Variants in OLFM3 observed in about 807,000 individuals in gnomAD.
OLFM3 encodes the protein noelin-3.
Under a neutral mutation model 48.6 loss-of-function variants are expected in OLFM3, and 20 were observed. The ratio of observed to expected loss-of-function variants is 0.41; its 90% confidence interval spans 0.29 to 0.60. The LOEUF is 0.60. OLFM3 is among the 20% of genes least tolerant of loss of function. The pLI is 0.28. For synonymous variants in OLFM3, 222 were observed against 198.1 expected, an observed-to-expected ratio of 1.12 and a Z score of -1.01; for missense variants, 437 against 544.3, an observed-to-expected ratio of 0.80 and a Z score of 1.96.
intron 1 of OLFM3, among the ~76,000 whole-genome samples, chr1:101,890,976 A>T (rs1657972040): frequency 6.6e-6 from 1 of 152,008 alleles, no homozygotes; most frequent in South Asian, 2.1e-4. Flanking sequence ...TTCATGCCTT[A>T]TGCAATATAG....
intron 4 of OLFM3, among the ~76,000 whole-genome samples, chr1:101,814,472 G>A (rs1654232268): frequency 2.0e-5 from 3 of 152,146 alleles, no homozygotes; most frequent in Admixed American, 2.0e-4. Context: ...TTTATAAAGA[G>A]TGACTGGGGA....
At chr1:101,912,376 T>C (rs1658789032) in intron 1 of OLFM3, among the ~76,000 whole-genome samples, 1 of 152,194 alleles carries the variant, frequency 6.6e-6, no homozygotes, top group Non-Finnish European at 1.5e-5. Context: ...CTGAGGTGCA[T>C]TCAACATGGC....
chr1:101,867,812 A>T (rs1169888078), intron 1 of OLFM3, among the ~76,000 whole-genome samples: 1 of 152,192 alleles, frequency 6.6e-6, no homozygotes, highest in African/African-American at 2.4e-5. Flanking sequence ...TCCCCATCCA[A>T]ATCTCATCTT....
At chr1:101,903,021 G>T (rs79713310) in intron 1 of OLFM3, among the ~76,000 whole-genome samples, 2,681 of 152,200 alleles carry the variant, frequency 0.018, 26 homozygotes, top group Non-Finnish European at 0.02. Context: ...CCACTTGACA[G>T]CTTGGCTTTC....
intron 1 of OLFM3, among the ~76,000 whole-genome samples, chr1:101,963,818 G>T (rs1660534639): frequency 6.6e-6 from 1 of 152,088 alleles, no homozygotes; most frequent in African/African-American, 2.4e-5. Flanking sequence ...AGGAAAAGAA[G>T]AGTTTCATTT....
intron 1 of OLFM3, among the ~76,000 whole-genome samples, chr1:101,869,831 C>T (rs150557218): frequency 6.6e-6 from 1 of 152,218 alleles, no homozygotes; most frequent in East Asian, 1.9e-4. Flanking sequence ...CTCTCTCTTG[C>T]TGCCGTGTGA....
chr1:101,846,770 C>T, intron 1 of OLFM3: 1 of 1,101,884 alleles, frequency 9.1e-7, no homozygotes, highest in South Asian at 1.4e-5. Context: ...AAATCTTAGC[C>T]TTTGCAATTT....
intron 1 of OLFM3, among the ~76,000 whole-genome samples, chr1:101,978,819 ATAGGT>A (rs1359420765): frequency 1.3e-5 from 2 of 152,090 alleles, no homozygotes; most frequent in Non-Finnish European, 2.9e-5. Context: ...AGAATGTCAC[ATAGGT>A]CTTTTTTTTT....
At chr1:101,984,055 C>A (rs372983010) in intron 1 of OLFM3, among the ~76,000 whole-genome samples, 4 of 152,026 alleles carry the variant, frequency 2.6e-5, no homozygotes, top group African/African-American at 9.7e-5. Context: ...TTGAGGCCAG[C>A]CTGGGCAACA....
At chr1:101,861,776 T>C (rs6684647) in intron 1 of OLFM3, among the ~76,000 whole-genome samples, 17,328 of 152,212 alleles carry the variant, frequency 0.11, 1,086 homozygotes, top group Non-Finnish European at 0.13. Flanking sequence ...CCTGTGTAAA[T>C]TAATTATTTT....
At chr1:101,844,420 C>T (rs745975498) in intron 1 of OLFM3, among the ~76,000 whole-genome samples, 7 of 152,080 alleles carry the variant, frequency 4.6e-5, no homozygotes, top group Non-Finnish European at 8.8e-5. Flanking sequence ...CACCAGGGAC[C>T]AAGAGGGCCA....
At chr1:101,884,980 A>G (rs1010895090) in intron 1 of OLFM3, among the ~76,000 whole-genome samples, 4 of 152,040 alleles carry the variant, frequency 2.6e-5, no homozygotes, top group African/African-American at 4.8e-5. Flanking sequence ...AGTATTTTCA[A>G]TGCTGTGAAA....
In OLFM3 at chr1:101,873,857, C is replaced by T. The variant is rs182160029; in HGVS notation, c.70-36832G>A. 1.8e-4 allele frequency among the ~76,000 whole-genome samples: 28 copies of T among 151,766 alleles called. No individual in the cohort carries two copies. In the Middle Eastern group the frequency reaches 0.01, roughly 55 times the overall value. ...ATACTTCCTCATCATTTAAATTTTGCCGGACCAATTAAACACTAATAAATA... is the reference window on the plus strand; with the variant it reads ...ATACTTCCTCATCATTTAAATTTTGTCGGACCAATTAAACACTAATAAATA... On this transcript the variant is annotated intron_variant, in intron 1 of 5. Coordinates refer to ENST00000370103, the MANE Select transcript of OLFM3 (RefSeq NM_058170.4).
intron 1 of OLFM3, among the ~76,000 whole-genome samples, chr1:101,926,644 T>C (rs1000566932): frequency 6.6e-6 from 1 of 152,164 alleles, no homozygotes; most frequent in Non-Finnish European, 1.5e-5. Context: ...CATAGTGGAA[T>C]TTTTAGGCTC....
chr1:101,895,970 GTAATAA>G (rs71720190), intron 1 of OLFM3, among the ~76,000 whole-genome samples: 40,176 of 144,868 alleles, frequency 0.28, 5,577 homozygotes, highest in East Asian at 0.34. Flanking sequence ...TAAAACATAG[GTAATAA>G]TAATAATAAT....
intron 1 of OLFM3, among the ~76,000 whole-genome samples, chr1:101,890,807 T>C (rs1657964324): frequency 6.6e-6 from 1 of 151,960 alleles, no homozygotes; most frequent in South Asian, 2.1e-4. Context: ...TAAATAATTA[T>C]AAAAATGAAA....
At chr1:101,816,113 G>T (rs1654324066) in intron 4 of OLFM3, among the ~76,000 whole-genome samples, 1 of 152,150 alleles carries the variant, frequency 6.6e-6, no homozygotes, top group Admixed American at 6.5e-5. Context: ...TAAGATCAAA[G>T]AAATAACCAT....
At position 101,814,382 on chromosome 1, in the gene OLFM3, T is replaced by C. The variant is rs114893678; in HGVS notation, c.593-8200A>G. Among the ~76,000 whole-genome samples, 220 of 151,882 alleles carry C rather than the reference T, an allele frequency of 1.4e-3. 2 individuals are homozygous for C. Among genetic ancestry groups the C allele is most frequent in the African/African-American group, 5.1e-3 (210 of 41,442 alleles). On this transcript the variant is annotated intron_variant, in intron 4 of 5. Transcript: ENST00000370103. ...CATTTTGGTGAGAAGACAGAAAGAA[T>C]AAATTAAAAAACAAATAAACAAACA...
rs189227246 is a variant in OLFM3, at chr1:101,938,196, T to C, written c.69+58552A>G. Among the ~76,000 whole-genome samples, 27 of 152,328 alleles carry C rather than the reference T, an allele frequency of 1.8e-4. No individual in the cohort carries two copies. The East Asian group carries it at 4.6e-3, about 26-fold the overall frequency. On this transcript the variant is annotated intron_variant, in intron 1 of 5. Coordinates refer to ENST00000370103, the MANE Select transcript of OLFM3 (RefSeq NM_058170.4). ...TAACATCCTTTATCAGAGATATAAT[T>C]CCTAAACAAATAGGGCCCACTATTG...
Sources: allele counts gnomAD v4.1 joint callset (sites outside exome capture counted in the v4.1 genomes callset), GRCh38; gene constraint gnomAD v4.1.1; transcripts MANE v1.5; gene names NCBI Gene and HGNC (gene_info 2026-07-23, HGNC 2026-07-21).